NUP210L: variants seen among roughly 807,000 people sequenced by gnomAD.
NUP210L encodes nucleoporin 210 like.
In NUP210L, 74 loss-of-function variants were observed where a neutral mutation model predicts 208.5. The ratio of observed to expected loss-of-function variants is 0.35; its 90% confidence interval spans 0.29 to 0.43. The LOEUF is 0.43. Ranked by LOEUF, NUP210L falls within the 20% of genes least tolerant of loss-of-function variation. The pLI, the probability that NUP210L is intolerant of heterozygous loss-of-function variation, is 1.00. For synonymous variants in NUP210L, 780 were observed against 816.9 expected (o/e 0.95, Z 0.77); for missense variants, 1,843 against 2,289.4 (o/e 0.81, Z 3.98).
chr1:154,024,857 T>A lies in NUP210L; in HGVS notation c.4122+685A>T, dbSNP rs534738014. 1.8e-3 allele frequency among the ~76,000 whole-genome samples: 265 copies of A among 144,528 alleles called. 1 individual carries two copies. Among genetic ancestry groups the A allele is most frequent in the African/African-American group, 6.5e-3 (255 of 38,942 alleles). 94.8% of individuals were successfully genotyped at this position (144,528 alleles called of 152,430 possible). ...AATTTTGATAGCAATCATTCTACAC[T>A]CCTCCGATACCAGTCCTTTTGCCAA... On this transcript the variant is annotated intron_variant, in intron 30 of 39. Coordinates refer to ENST00000368559, the Ensembl canonical transcript of NUP210L.
intron 7 of NUP210L, among the ~76,000 whole-genome samples, chr1:154,129,658 T>C (rs774166114): frequency 2.6e-5 from 4 of 152,082 alleles, no homozygotes; most frequent in Non-Finnish European, 5.9e-5. Flanking sequence ...AATACCTACA[T>C]AGGAGCCCAG....
At chr1:154,028,536 G>A (rs368059487) in intron 28 of NUP210L, among the ~76,000 whole-genome samples, 12 of 152,204 alleles carry the variant, frequency 7.9e-5, no homozygotes, top group East Asian at 5.8e-4. Flanking sequence ...GCAGTGAGGC[G>A]AGATCATGCT....
intron 10 of NUP210L, among the ~76,000 whole-genome samples, chr1:154,121,320 T>C (rs932551352): frequency 2.0e-5 from 3 of 152,042 alleles, no homozygotes; most frequent in Non-Finnish European, 4.4e-5. Context: ...TGGAAACAGG[T>C]TCATTAAATC....
chr1:154,106,261 A>G (rs1446484209), intron 12 of NUP210L, among the ~76,000 whole-genome samples: 1 of 152,116 alleles, frequency 6.6e-6, no homozygotes, highest in Non-Finnish European at 1.5e-5. Flanking sequence ...ACTCCATTCC[A>G]GAAAAATAAA....
intron 17 of NUP210L, among the ~76,000 whole-genome samples, chr1:154,066,282 G>T (rs1238970942): frequency 1.3e-5 from 2 of 152,132 alleles, no homozygotes; most frequent in African/African-American, 2.4e-5. Context: ...GATCAGAGCA[G>T]AACTGAAGGA....
chr1:154,066,597 C>T (rs1468727436), intron 17 of NUP210L, among the ~76,000 whole-genome samples: 5 of 152,098 alleles, frequency 3.3e-5, no homozygotes, highest in African/African-American at 9.7e-5. Flanking sequence ...GGCGAAAGAG[C>T]GAGACTCCGT....
At chr1:154,140,959 A>G (rs1238232705) in intron 4 of NUP210L, among the ~76,000 whole-genome samples, 1 of 148,734 alleles carries the variant, frequency 6.7e-6, no homozygotes, top group African/African-American at 2.5e-5. Context: ...ACGCCACTGC[A>G]CTCCAGCCTG....
intron 31 of NUP210L, among the ~76,000 whole-genome samples, chr1:154,022,910 C>A (rs555990475): frequency 6.6e-6 from 1 of 151,920 alleles, no homozygotes; most frequent in South Asian, 2.1e-4. Flanking sequence ...CTCCTGGGCC[C>A]AAGTGATCCT....
At chr1:154,029,300 C>T (rs1652079565) in intron 28 of NUP210L, among the ~76,000 whole-genome samples, 1 of 139,262 alleles carries the variant, frequency 7.2e-6, no homozygotes, top group South Asian at 2.3e-4. Flanking sequence ...ATGGTGTGAA[C>T]CTGGGAGGAG....
Position 153,995,069 on chromosome 1 carries a change from A to G in NUP210L, c.5491+7T>C. The G allele has an allele frequency of 6.4e-7, 1 of 1,563,302 alleles. No individual in the cohort carries two copies. Among genetic ancestry groups the G allele is most frequent in the Non-Finnish European group, 8.8e-7 (1 of 1,137,392 alleles). On this transcript the variant is annotated splice_region_variant and intron_variant, in intron 38 of 39. Transcript: ENST00000368559. ...AAAGTCTATGTTATTGAATATAAGG[A>G]CTCTACCTAGGAAGATGGAAGCTGT...
intron 32 of NUP210L, 76 bp from the exon 33 acceptor site, chr1:154,019,145 C>T: frequency 1.4e-6 from 2 of 1,480,220 alleles, no homozygotes; most frequent in Non-Finnish European, 1.8e-6. Flanking sequence ...TACTCCAAAT[C>T]AGTAAATTTT....
At chr1:154,126,538 C>T in intron 9 of NUP210L, 75 bp from the exon 10 acceptor site, 1 of 1,293,450 alleles carries the variant, frequency 7.7e-7, no homozygotes, top group East Asian at 2.4e-5. Flanking sequence ...CCCAAAGCAT[C>T]TATAAAACTG....
intron 4 of NUP210L, 45 bp from the exon 5 acceptor site, chr1:154,139,997 G>T: frequency 6.7e-7 from 1 of 1,492,994 alleles, no homozygotes; most frequent in South Asian, 1.2e-5. Flanking sequence ...ATTAAACGAA[G>T]GGTTCTTCCA....
intron 25 of NUP210L, among the ~76,000 whole-genome samples, chr1:154,052,071 A>G (rs567312063): frequency 3.9e-5 from 6 of 152,320 alleles, no homozygotes; most frequent in Admixed American, 3.9e-4. Flanking sequence ...AGCATTATTG[A>G]CTTTAAATTT....
intron 33 of NUP210L, among the ~76,000 whole-genome samples, chr1:154,014,598 T>C (rs188618063): frequency 6.6e-6 from 1 of 152,360 alleles, no homozygotes; most frequent in African/African-American, 2.4e-5. Flanking sequence ...TTTATTTGCC[T>C]ATTGTAATTA....
intron 13 of NUP210L, among the ~76,000 whole-genome samples, chr1:154,103,696 A>G (rs1309606230): frequency 6.6e-6 from 1 of 151,220 alleles, no homozygotes; most frequent in African/African-American, 2.4e-5. Context: ...AAAGAAAAAA[A>G]AAAACAAAAG....
chr1:154,005,388 C>G (rs1370141520), intron 35 of NUP210L, among the ~76,000 whole-genome samples: 2 of 150,380 alleles, frequency 1.3e-5, no homozygotes, highest in Middle Eastern at 3.4e-3. Flanking sequence ...GCCACCAGGC[C>G]TGGCTAATTT....
chr1:154,133,966 A>G (rs1389706670), intron 7 of NUP210L, among the ~76,000 whole-genome samples: 1 of 151,912 alleles, frequency 6.6e-6, no homozygotes, highest in Non-Finnish European at 1.5e-5. Flanking sequence ...CCTGGCCAAC[A>G]TGGTGAAACC....
At chr1:154,025,931 G>T (rs1009697969) in intron 29 of NUP210L, among the ~76,000 whole-genome samples, 1 of 152,002 alleles carries the variant, frequency 6.6e-6, no homozygotes, top group African/African-American at 2.4e-5. Context: ...TATAATTAAA[G>T]AATTATTTAG....
Sources: gnomAD v4.1 joint callset for allele counts (sites outside exome capture counted in the v4.1 genomes callset) on GRCh38, gnomAD v4.1.1 for gene constraint, MANE v1.5 for transcripts, NCBI Gene and HGNC (gene_info 2026-07-23, HGNC 2026-07-21) for gene names.